Variants in APBA2 observed in about 807,000 individuals in gnomAD.
APBA2 encodes the protein amyloid beta precursor protein binding family A member 2.
Under a neutral mutation model 75.0 loss-of-function variants are expected in APBA2, and 30 were observed. The ratio of observed to expected loss-of-function variants is 0.40; its 90% CI spans 0.30 to 0.54. APBA2 has a LOEUF of 0.54. Among genes scored for constraint, APBA2 ranks in the 20% least tolerant of loss-of-function variants. The pLI is 0.49. For synonymous variants in APBA2, 444 were observed against 409.6 expected (o/e 1.08, Z -1.01); for missense variants, 801 against 1,016.1 (o/e 0.79, Z 2.88).
intron 2 of APBA2, among the ~76,000 whole-genome samples, chr15:28,925,929 G>A (rs116144041): frequency 0.01 from 1,535 of 152,064 alleles, 36 homozygotes; most frequent in African/African-American, 0.035. Flanking sequence ...ATGTAATGTC[G>A]CCTCTTTATC....
At chr15:28,995,264 G>A (rs141703786) in intron 2 of APBA2, among the ~76,000 whole-genome samples, 2 of 152,146 alleles carry the variant, frequency 1.3e-5, no homozygotes, top group Non-Finnish European at 2.9e-5. Context: ...CCCAGGAGAA[G>A]GTGGGCTGAG....
chr15:29,075,406 T>C (rs1320937050), intron 5 of APBA2, among the ~76,000 whole-genome samples: 2 of 152,222 alleles, frequency 1.3e-5, no homozygotes, highest in African/African-American at 2.4e-5. Flanking sequence ...TTTTGGGGAC[T>C]GTCCTGTGTA....
In APBA2 at chr15:29,048,006, G is replaced by T. The variant is rs574576826; in HGVS notation, c.-40-5839G>T. 7.2e-5 allele frequency among the ~76,000 whole-genome samples: 11 copies of T among 152,222 alleles called. No homozygotes were observed. In the South Asian group the frequency reaches 2.3e-3, roughly 32 times the overall value. ...CATTTAAGACTTCAATAAATAGGAA[G>T]ATTTTTTTGGGTGAAATTGGGTAAA... On this transcript the variant is annotated intron_variant, in intron 3 of 14. Transcript: ENST00000683413.
chr15:29,111,849 G>C (rs1465313950), intron 13 of APBA2, among the ~76,000 whole-genome samples: 1 of 152,138 alleles, frequency 6.6e-6, no homozygotes, highest in Non-Finnish European at 1.5e-5. Context: ...GACCTCCAGG[G>C]AGCAATGAGC....
intron 3 of APBA2, among the ~76,000 whole-genome samples, chr15:29,003,333 A>G (rs989721393): frequency 2.6e-5 from 4 of 152,220 alleles, no homozygotes; most frequent in African/African-American, 9.6e-5. Flanking sequence ...TCTACCCTCC[A>G]AAGAACATCT....
chr15:29,029,503 A>G (rs1042607825), intron 3 of APBA2, among the ~76,000 whole-genome samples: 9 of 152,192 alleles, frequency 5.9e-5, no homozygotes, highest in African/African-American at 1.9e-4. Context: ...TTTCCCAGGC[A>G]TGTCATATTT....
intron 6 of APBA2, among the ~76,000 whole-genome samples, chr15:29,077,737 G>A (rs971175630): frequency 4.6e-5 from 7 of 152,194 alleles, no homozygotes; most frequent in Non-Finnish European, 8.8e-5. Flanking sequence ...TAGGAGAGAA[G>A]CCCTTTGATT....
intron 7 of APBA2, 140 bp downstream of exon 7, chr15:29,093,360 C>T: frequency 7.6e-7 from 1 of 1,307,346 alleles, no homozygotes; most frequent in Non-Finnish European, 1.1e-6. Context: ...GGCCCAGGTG[C>T]CAACGAGGCT....
chr15:29,064,684 G>A (rs2042298598), intron 4 of APBA2, among the ~76,000 whole-genome samples: 1 of 152,120 alleles, frequency 6.6e-6, no homozygotes, highest in African/African-American at 2.4e-5. Flanking sequence ...ACAAGACAAA[G>A]GGAAGGCGAG....
At chr15:29,110,674 A>G (rs1242283628) in intron 13 of APBA2, among the ~76,000 whole-genome samples, 1 of 152,246 alleles carries the variant, frequency 6.6e-6, no homozygotes, top group Non-Finnish European at 1.5e-5. Context: ...GACTTGCCCC[A>G]GGTCACACAG....
intron 6 of APBA2, among the ~76,000 whole-genome samples, chr15:29,079,777 G>A (rs2043007221): frequency 1.3e-5 from 2 of 152,118 alleles, no homozygotes; most frequent in Admixed American, 1.3e-4. Context: ...TGAGTATTTG[G>A]TCTCAGCTTA....
intron 3 of APBA2, among the ~76,000 whole-genome samples, chr15:29,043,356 A>G (rs1390341169): frequency 6.6e-6 from 1 of 152,146 alleles, no homozygotes; most frequent in African/African-American, 2.4e-5. Context: ...CATTAACCCC[A>G]AGCCTCTTCC....
intron 3 of APBA2, among the ~76,000 whole-genome samples, chr15:29,032,273 G>A (rs542000387): frequency 1.3e-5 from 2 of 152,302 alleles, no homozygotes; most frequent in South Asian, 2.1e-4. Flanking sequence ...GGTAATTTTT[G>A]GGTAAGATGA....
chr15:29,067,751 A>G (rs1174224706), intron 4 of APBA2, among the ~76,000 whole-genome samples: 1 of 152,238 alleles, frequency 6.6e-6, no homozygotes, highest in African/African-American at 2.4e-5. Flanking sequence ...AGGTAGATTT[A>G]GTAAAGTTAA....
intron 6 of APBA2, among the ~76,000 whole-genome samples, chr15:29,077,165 T>C (rs1167715848): frequency 6.6e-6 from 1 of 152,168 alleles, no homozygotes; most frequent in Non-Finnish European, 1.5e-5. Context: ...TTTAGGTACA[T>C]TTTATCTGGT....
At chr15:29,032,669 C>T (rs1307125289) in intron 3 of APBA2, among the ~76,000 whole-genome samples, 3 of 152,196 alleles carry the variant, frequency 2.0e-5, no homozygotes, top group Admixed American at 2.0e-4. Context: ...CTGGACCCTC[C>T]ATCCCCAAAG....
At chr15:28,970,885 C>A (rs139444663) in intron 2 of APBA2, among the ~76,000 whole-genome samples, 145 of 152,266 alleles carry the variant, frequency 9.5e-4, no homozygotes, top group African/African-American at 3.4e-3. Context: ...CATGCACACA[C>A]CCGTATGTGT....
chr15:28,903,231 C>G (rs139958788), intron 1 of APBA2, among the ~76,000 whole-genome samples: 16 of 152,298 alleles, frequency 1.1e-4, no homozygotes, highest in African/African-American at 3.8e-4. Flanking sequence ...AGCCCCTGGG[C>G]TCACTTATAG....
At chr15:28,948,947 G>C (rs1175127104) in intron 2 of APBA2, among the ~76,000 whole-genome samples, 8 of 151,862 alleles carry the variant, frequency 5.3e-5, no homozygotes, top group Admixed American at 2.0e-4. Context: ...GTTGTAAAGC[G>C]GGGGGTGGGG....
Sources: allele counts gnomAD v4.1 joint callset (sites outside exome capture counted in the v4.1 genomes callset), GRCh38; gene constraint gnomAD v4.1.1; transcripts MANE v1.5; gene names NCBI Gene and HGNC (gene_info 2026-07-23, HGNC 2026-07-21).